The following TECTA variants were observed in gnomAD, a reference collection of about 807,000 sequenced individuals.
TECTA encodes the protein alpha-tectorin.
Under a neutral mutation model 216.8 loss-of-function variants are expected in TECTA, and 128 were observed. That is an observed-to-expected ratio of 0.59 (90% CI 0.51 to 0.68). The LOEUF (loss-of-function observed/expected upper bound fraction) is 0.68, where lower values mean the gene tolerates loss of function less well. TECTA is among the 30% of genes least tolerant of loss of function. The pLI, the probability that TECTA is intolerant of heterozygous loss-of-function variation, is 0.00. For missense variants in TECTA, 2,551 were observed against 2,786.2 expected, an observed-to-expected ratio of 0.92 and a Z score of 1.90; for synonymous variants, 1,089 against 1,117.1, an observed-to-expected ratio of 0.97 and a Z score of 0.50.
At chr11:121,170,418 TTTTTG>T (rs1006626709) in intron 20 of TECTA, among the ~76,000 whole-genome samples, 1 of 151,902 alleles carries the variant, frequency 6.6e-6, no homozygotes, top group Non-Finnish European at 1.5e-5. Context: ...TAGTGGGGTT[TTTTTG>T]TTTTGTTTTG....
chr11:121,140,004 C>G (rs1416494052), intron 11 of TECTA, among the ~76,000 whole-genome samples: 1 of 152,168 alleles, frequency 6.6e-6, no homozygotes, highest in Non-Finnish European at 1.5e-5. Context: ...ATATTTCCAC[C>G]CTTAGATTTA....
Position 121,105,204 on chromosome 11 carries a change from C to T in TECTA, c.65-627C>T, listed in dbSNP as rs1276115461. ...CTCCAAAGAGTTCTCAAGGACCCAA[C>T]CCTCTGACCCCGGAGGATCTCATGT... is the stretch of plus-strand genomic sequence containing the variant. On this transcript the variant is annotated intron_variant, in intron 2 of 23. Transcript: ENST00000392793. The surrounding 1 kb of genome is among the most constrained non-coding windows in gnomAD (Gnocchi z 5.3). Among the ~76,000 whole-genome samples the T allele has an allele frequency of 1.3e-5, 2 of 152,216 alleles. No homozygotes were observed. Among genetic ancestry groups the T allele is most frequent in the Non-Finnish European group, 2.9e-5 (2 of 68,034 alleles).
chr11:121,153,848 T>G (rs979047047), intron 13 of TECTA, among the ~76,000 whole-genome samples: 2 of 152,216 alleles, frequency 1.3e-5, no homozygotes, highest in Non-Finnish European at 2.9e-5. Flanking sequence ...AGACAAGGTA[T>G]TTAGTTCATG....
At chr11:121,131,554 AT>A (rs1457174231) in intron 10 of TECTA, among the ~76,000 whole-genome samples, 4 of 152,236 alleles carry the variant, frequency 2.6e-5, no homozygotes, top group Non-Finnish European at 5.9e-5. Flanking sequence ...GGATATTGCC[AT>A]TGATACAATA....
chr11:121,150,861 G>A (rs1338830704), intron 12 of TECTA, among the ~76,000 whole-genome samples: 1 of 151,944 alleles, frequency 6.6e-6, no homozygotes, highest in Non-Finnish European at 1.5e-5. Context: ...GGCCAGGATG[G>A]TCTCGATCTC....
At position 121,152,863 on chromosome 11, in the gene TECTA, T is replaced by G; in HGVS notation, c.4106-18T>G. 1 of 1,590,126 alleles carries G rather than the reference T, an allele frequency of 6.3e-7. No homozygotes were observed. Among genetic ancestry groups the G allele is most frequent in the Non-Finnish European group, 8.6e-7 (1 of 1,161,982 alleles). ...GCCTTGTGATCGTGCGAGTCTTGAC[T>G]TGTCTCTCTTGTTCCAGCTGTCACC... On this transcript the variant is annotated intron_variant, in intron 12 of 23. Coordinates refer to ENST00000392793, the MANE Select transcript of TECTA (RefSeq NM_005422.4).
intron 17 of TECTA, among the ~76,000 whole-genome samples, 194 bp from the exon 18 acceptor site, chr11:121,166,384 T>G (rs1419244166): frequency 6.6e-6 from 1 of 152,260 alleles, no homozygotes; most frequent in Non-Finnish European, 1.5e-5. Flanking sequence ...AAGGCTCTGC[T>G]AATGCCCAGG....
At chr11:121,175,560 T>C (rs1290989711) in intron 20 of TECTA, among the ~76,000 whole-genome samples, 1 of 152,206 alleles carries the variant, frequency 6.6e-6, no homozygotes, top group African/African-American at 2.4e-5. Flanking sequence ...TGAGAGACAG[T>C]TTGTTATAAT....
chr11:121,153,708 A>T (rs1946915421), intron 13 of TECTA, among the ~76,000 whole-genome samples: 1 of 152,200 alleles, frequency 6.6e-6, no homozygotes, highest in Middle Eastern at 3.2e-3. Context: ...GAGTTCATGA[A>T]GATGCCCTTC....
chr11:121,152,955 C>A lies in TECTA; in HGVS notation c.4180C>A (p.Leu1394Met), dbSNP rs776389341. The change falls in exon 13 of 24, where the codon CTG (leucine) becomes ATG (methionine). Residue 1394 changes from leucine to methionine, a missense_variant. Leu to Met is a conservative substitution (Grantham distance 15). Around this residue, in one of 3 missense-constraint regions of TECTA, gnomAD observed 2,375 missense variants for 2,563.9 expected, o/e 0.93. Coordinates refer to ENST00000392793, the MANE Select transcript of TECTA (RefSeq NM_005422.4). The part of the protein sequence containing the change: ...VCQPRCAAIR[L>M]KSDCSHYCVE... ...CCAGCCCCGCTGCGCCGCCATCCGC[C>A]TGAAGAGTGACTGCAGCCACTACTG... 8.5e-5 allele frequency: 137 copies of A among 1,613,940 alleles called. No homozygotes were observed. The highest frequency in any genetic ancestry group is 1.1e-4 in the Non-Finnish European group (130 of 1,179,966).
intron 14 of TECTA, among the ~76,000 whole-genome samples, chr11:121,158,838 T>A (rs1378410585): frequency 6.6e-6 from 1 of 152,152 alleles, no homozygotes; most frequent in African/African-American, 2.4e-5. Context: ...TGTGTGTAAA[T>A]AAATGTAAAC....
At position 121,169,167 on chromosome 11, in the gene TECTA, T is replaced by C. The variant is rs187278559; in HGVS notation, c.5999+242T>C. Among the ~76,000 whole-genome samples, 18 of 152,306 alleles carry C rather than the reference T, an allele frequency of 1.2e-4. No individual in the cohort carries two copies. The East Asian group carries it at 3.3e-3, about 28-fold the overall frequency. ...GAAATATATTGGTAGGTACCCCACGTCCATGTGGCATTAACTACAGATGCT... is the reference window on the plus strand; with the variant it reads ...GAAATATATTGGTAGGTACCCCACGCCCATGTGGCATTAACTACAGATGCT... On this transcript the variant is annotated intron_variant, in intron 20 of 23. Transcript: ENST00000392793.
chr11:121,128,328 G>C lies in TECTA; in HGVS notation c.2351G>C (p.Gly784Ala). The C allele has an allele frequency of 1.3e-6, 2 of 1,599,646 alleles. No individual in the cohort carries two copies. Among genetic ancestry groups the C allele is most frequent in the African/African-American group, 1.3e-5 (1 of 75,036 alleles). ...ADQEVKIGGI[G>A]ASEVKLNGQE... ...CAGGAGGTCAAGATAGGAGGCATCG[G>C]GGCTTCGGAAGTCAAGGTAAGGCTC... The change falls in exon 9 of 24, where the codon GGG (glycine) becomes GCG (alanine). Residue 784 changes from glycine to alanine, a missense_variant. By Grantham distance (60) the Gly-to-Ala change is moderately conservative. Around this residue, in one of 3 missense-constraint regions of TECTA, gnomAD observed 2,375 missense variants for 2,563.9 expected, o/e 0.93. Transcript: ENST00000392793.
At chr11:121,176,945 C>A (rs1217154648) in intron 20 of TECTA, among the ~76,000 whole-genome samples, 1 of 152,102 alleles carries the variant, frequency 6.6e-6, no homozygotes, top group East Asian at 1.9e-4. Flanking sequence ...TCACTGATAC[C>A]CTTACTTCCA....
intron 11 of TECTA, among the ~76,000 whole-genome samples, chr11:121,143,256 A>C (rs890463056): frequency 1.3e-5 from 2 of 152,020 alleles, no homozygotes; most frequent in African/African-American, 4.8e-5. Context: ...TTCATCTCCC[A>C]CCACTCCCAA....
intron 11 of TECTA, among the ~76,000 whole-genome samples, chr11:121,141,498 A>T (rs1039968087): frequency 6.6e-6 from 1 of 152,236 alleles, no homozygotes; most frequent in African/African-American, 2.4e-5. Flanking sequence ...TATAGACCAG[A>T]CAGGGTAGGG....
intron 14 of TECTA, among the ~76,000 whole-genome samples, chr11:121,158,900 C>T (rs1218846130): frequency 6.6e-6 from 1 of 152,184 alleles, no homozygotes; most frequent in Non-Finnish European, 1.5e-5. Context: ...ATTCCTCCCA[C>T]CCCTTCCATT....
intron 18 of TECTA, 110 bp from the exon 19 acceptor site, chr11:121,167,944 A>G: frequency 7.7e-7 from 1 of 1,305,628 alleles, no homozygotes; most frequent in East Asian, 2.3e-5. Context: ...TGGCCTCTAA[A>G]TTATGTATGG....
chr11:121,142,764 T>C (rs1366847001), intron 11 of TECTA, among the ~76,000 whole-genome samples: 1 of 152,116 alleles, frequency 6.6e-6, no homozygotes, highest in African/African-American at 2.4e-5. Flanking sequence ...TCACTGCACC[T>C]CTCCACCTCC....
Sources: gnomAD v4.1 joint callset for allele counts (sites outside exome capture counted in the v4.1 genomes callset) on GRCh38, gnomAD v4.1.1 for gene constraint, gnomAD v4.1.1 regional missense constraint, Gnocchi (gnomAD v3.1) non-coding constraint, MANE v1.5 for transcripts, NCBI Gene and HGNC (gene_info 2026-07-23, HGNC 2026-07-21) for gene names.